ACSF3: variants seen among roughly 807,000 people sequenced by gnomAD.
ACSF3 encodes malonate--CoA ligase ACSF3, mitochondrial.
A neutral mutation model predicts 53.2 loss-of-function variants in ACSF3; 78 were observed. The ratio of observed to expected loss-of-function variants is 1.47; its 90% CI spans 1.22 to 1.77. The LOEUF (loss-of-function observed/expected upper bound fraction) is 1.77. Ranked by LOEUF, ACSF3 falls within the 40% of genes most tolerant of loss-of-function variation. The probability of loss-of-function intolerance (pLI) is 0.00; values close to 1 mark genes in which losing one functional copy is unlikely to be tolerated. For missense variants in ACSF3, 937 were observed against 771.1 expected, an observed-to-expected ratio of 1.22 and a Z score of -2.55; for synonymous variants, 414 against 333.1, an observed-to-expected ratio of 1.24 and a Z score of -2.65.
At chr16:89,114,102 C>G in intron 5 of ACSF3, 1 of 591,210 alleles carries the variant, frequency 1.7e-6, no homozygotes, top group South Asian at 1.8e-5. Flanking sequence ...CTGCTTCCTT[C>G]TAAAATACAC....
intron 10 of ACSF3, among the ~76,000 whole-genome samples, chr16:89,146,651 C>T (rs187377564): frequency 8.3e-4 from 127 of 152,338 alleles, no homozygotes; most frequent in Non-Finnish European, 8.7e-4. Flanking sequence ...TCACTTTCCC[C>T]TCCATGTCCA....
In ACSF3 at chr16:89,154,572, T is replaced by TAA; in HGVS notation, c.*365_*366insAA. The TAA allele has an allele frequency of 1.2e-5, 5 of 415,992 alleles. No individual in the cohort carries two copies. Among genetic ancestry groups the TAA allele is most frequent in the Non-Finnish European group, 2.4e-5 (5 of 212,292 alleles). 25.8% of individuals were successfully genotyped at this position (415,992 alleles called of 1,614,324 possible). A position where few individuals can be genotyped will look rare whatever the true frequency, so the allele number is the denominator to read the frequency against. ...GAGGTTTCCCACAAAAAACAAAGAC[T>TAA]CCACTGGAGGAAACAAGCCCCTGTC... is the stretch of plus-strand genomic sequence containing the variant. On this transcript the variant is annotated 3_prime_UTR_variant, in exon 11 of 11. Coordinates refer to ENST00000614302, the MANE Select transcript of ACSF3 (RefSeq NM_001243279.3).
rs1393603263 is a variant in ACSF3, at chr16:89,154,894, C to T, written c.*687C>T. On this transcript the variant is annotated 3_prime_UTR_variant, in exon 11 of 11. Coordinates refer to ENST00000614302, the MANE Select transcript of ACSF3 (RefSeq NM_001243279.3). ...CTGCTCTGCCGTGACCCTGCCTCAC[C>T]CCCCAGCGCAGGGACTTTCCAGGTC... The T allele has an allele frequency of 1.3e-5, 6 of 454,012 alleles. No homozygotes were observed. Among genetic ancestry groups the T allele is most frequent in the East Asian group, 6.9e-5 (1 of 14,412 alleles). 28.1% of individuals were successfully genotyped at this position (454,012 alleles called of 1,614,324 possible). A position where few individuals can be genotyped will look rare whatever the true frequency, so the allele number is the denominator to read the frequency against.
At chr16:89,120,542 G>A (rs1393857145) in intron 6 of ACSF3, among the ~76,000 whole-genome samples, 1 of 152,262 alleles carries the variant, frequency 6.6e-6, no homozygotes, top group Non-Finnish European at 1.5e-5. Context: ...CCACGTGAGT[G>A]CCTGCTGTGC....
chr16:89,153,511 C>G (rs953902279), intron 10 of ACSF3: 1 of 157,760 alleles, frequency 6.3e-6, no homozygotes, highest in Non-Finnish European at 1.4e-5. Context: ...AAGGGGGACC[C>G]TGAGTGGAGG....
chr16:89,145,421 C>T lies in ACSF3; in HGVS notation c.1501+20C>T, dbSNP rs368217690. 89 of 1,613,456 alleles carry T rather than the reference C, an allele frequency of 5.5e-5. No homozygotes were observed. Among genetic ancestry groups the T allele is most frequent in the Non-Finnish European group, 7.3e-5 (86 of 1,179,950 alleles). On this transcript the variant is annotated intron_variant, in intron 9 of 10. Coordinates refer to ENST00000614302, the MANE Select transcript of ACSF3 (RefSeq NM_001243279.3). ...TCACAGGTGCGTGGCCGGACTTGGG[C>T]CAGGGAGGCCAGGCTAGACGGGTGC...
intron 2 of ACSF3, among the ~76,000 whole-genome samples, chr16:89,100,178 G>A (rs1027288591): frequency 6.6e-6 from 1 of 152,210 alleles, no homozygotes; most frequent in Admixed American, 6.5e-5. Context: ...CATTTCCACT[G>A]CGCACCAGTG....
In ACSF3 at chr16:89,102,648, GA is replaced by G; in HGVS notation, c.712del (p.Ile238SerfsTer28). 1 of 1,613,908 alleles carries G rather than the reference GA, an allele frequency of 6.2e-7. No individual in the cohort carries two copies. ...HKWAWTKDDVILHVLPLHHVH... is the reference protein window; with the variant it reads ...HKWAWTKDDVXLHVLPLHHVH... ...AGTGGGCATGGACCAAAGACGACGTGATCCTCCACGTGCTCCCGCTGCACCA... is the reference window on the plus strand; with the variant it reads ...AGTGGGCATGGACCAAAGACGACGTGTCCTCCACGTGCTCCCGCTGCACCA... On this transcript the variant is annotated frameshift_variant, in exon 4 of 11. Transcript: ENST00000614302. LOFTEE classifies it high-confidence loss of function.
rs1911085140 is a variant in ACSF3 at position 89,138,527 on chromosome 16, A to G, written c.1366+5265A>G. ...CGATCGCGGGGATGACAGGTGCCGA[A>G]ATGGCCATGCTTGCCCCAGCCCCTT... On this transcript the variant is annotated intron_variant, in intron 8 of 10. Coordinates refer to ENST00000614302, the MANE Select transcript of ACSF3 (RefSeq NM_001243279.3). 1.3e-5 allele frequency among the ~76,000 whole-genome samples: 2 copies of G among 152,318 alleles called. 1 individual carries two copies. Among genetic ancestry groups the G allele is most frequent in the South Asian group, 4.1e-4 (2 of 4,826 alleles).
chr16:89,146,060 G>T lies in ACSF3; in HGVS notation c.1613+11G>T. On this transcript the variant is annotated intron_variant, in intron 10 of 10. Transcript: ENST00000614302. ...CAAAGAGTGGGCCAGGTAGGGCTGG[G>T]TGGGGCGGGCAGGGAGCACTCATGG... 3 of 1,511,084 alleles carry T rather than the reference G, an allele frequency of 2.0e-6. No individual in the cohort carries two copies. The highest frequency in any genetic ancestry group is 1.4e-5 in the African/African-American group (1 of 72,702). 93.6% of individuals were successfully genotyped at this position (1,511,084 alleles called of 1,614,324 possible). A position where few individuals can be genotyped will look rare whatever the true frequency, so the allele number is the denominator to read the frequency against.
At chr16:89,116,692 A>G (rs974443875) in intron 6 of ACSF3, among the ~76,000 whole-genome samples, 4 of 152,100 alleles carry the variant, frequency 2.6e-5, no homozygotes, top group African/African-American at 9.7e-5. Context: ...CATGTTGTGA[A>G]AAGAAGTCAG....
chr16:89,113,276 C>G (rs1051110756), intron 5 of ACSF3: 20 of 152,422 alleles, frequency 1.3e-4, no homozygotes, highest in African/African-American at 3.8e-4. Context: ...GCCGCGCGCT[C>G]CTCCCAGTCC....
intron 4 of ACSF3, among the ~76,000 whole-genome samples, chr16:89,107,869 G>C (rs1976199139): frequency 6.6e-6 from 1 of 152,134 alleles, no homozygotes; most frequent in South Asian, 2.1e-4. Flanking sequence ...CATTCTGCTG[G>C]TACCAATTTA....
rs1194639859 is a variant in ACSF3, at chr16:89,154,965, C to T, written c.*758C>T. ...GCCGGTGAACCCTCTCTCCCATCAC[C>T]GTCTCCACCCAGACCCCCACCTGCC... is the stretch of plus-strand genomic sequence containing the variant. On this transcript the variant is annotated 3_prime_UTR_variant, in exon 11 of 11. Transcript: ENST00000614302. 8 of 453,920 alleles carry T rather than the reference C, an allele frequency of 1.8e-5. No individual in the cohort carries two copies. Among genetic ancestry groups the T allele is most frequent in the African/African-American group, 6.0e-5 (3 of 49,988 alleles). The allele number at this position is 453,920 out of a possible 1,614,324, so 28.1% of individuals were successfully genotyped here. A position where few individuals can be genotyped will look rare whatever the true frequency, so the allele number is the denominator to read the frequency against.
Position 89,101,120 on chromosome 16 carries a change from C to T in ACSF3, c.439C>T (p.Leu147Phe), listed in dbSNP as rs1454245303. The change falls in exon 3 of 11, where the codon CTT becomes TTT. Residue 147 changes from leucine (L) to phenylalanine (F), a missense_variant. Leu to Phe is a conservative substitution (Grantham distance 22). Transcript: ENST00000614302. ...VICDSQSSVVLASQEYLELLS... is the reference protein window; with the variant it reads ...VICDSQSSVVFASQEYLELLS... ...CTGCGACTCCCAGAGCTCTGTGGTC[C>T]TTGCCAGCCAGGAGTACCTGGAGCT... The T allele has an allele frequency of 1.2e-6, 2 of 1,614,096 alleles. No homozygotes were observed. The highest frequency in any genetic ancestry group is 1.7e-5 in the Admixed American group (1 of 60,030).
chr16:89,116,673 G>A (rs571247164), intron 6 of ACSF3, among the ~76,000 whole-genome samples: 8 of 152,192 alleles, frequency 5.3e-5, no homozygotes, highest in Non-Finnish European at 8.8e-5. Flanking sequence ...GGCAGTGGGC[G>A]GGTGGGGGCA....
intron 8 of ACSF3, among the ~76,000 whole-genome samples, chr16:89,140,601 TG>T (rs1428256264): frequency 6.6e-6 from 1 of 152,166 alleles, no homozygotes; most frequent in Non-Finnish European, 1.5e-5. Flanking sequence ...GATCGCGCTT[TG>T]GGTGCTGGTG....
chr16:89,100,836 C>A lies in ACSF3; in HGVS notation c.155C>A (p.Ala52Asp), dbSNP rs1162350199. ...RSAPVFTRAL[A>D]FGDRIALVDQ... ...GCCCCGGTGTTCACCCGTGCCCTGG[C>A]CTTTGGGGACAGAATCGCCCTGGTT... Residue 52 changes from alanine (A) to aspartate (D), a missense_variant, in exon 3 of 11, where the codon GCC becomes GAC. By Grantham distance (126) the Ala-to-Asp change is moderately radical (BLOSUM62 -2). Transcript: ENST00000614302. 5.6e-6 allele frequency: 9 copies of A among 1,613,460 alleles called. 1 individual carries two copies. The South Asian group carries it at 9.9e-5, about 18-fold the overall frequency.
intron 5 of ACSF3, chr16:89,114,011 C>T (rs779003790): frequency 2.3e-5 from 9 of 387,508 alleles, no homozygotes; most frequent in South Asian, 1.9e-4. Context: ...TGTTCTTGAG[C>T]GTGGTTGTGA....
Sources: gnomAD v4.1 joint callset for allele counts (sites outside exome capture counted in the v4.1 genomes callset) on GRCh38, gnomAD v4.1.1 for gene constraint, MANE v1.5 for transcripts, NCBI Gene and HGNC (gene_info 2026-07-23, HGNC 2026-07-21) for gene names.